The following TUSC3 variants were observed in gnomAD, a reference collection of about 807,000 sequenced individuals.
TUSC3 encodes the protein dolichyl-diphosphooligosaccharide--protein glycosyltransferase subunit TUSC3.
TUSC3 carries 45 observed loss-of-function variants against 44.8 expected under a neutral mutation model. The ratio of observed to expected loss-of-function variants is 1.00; its 90% confidence interval spans 0.79 to 1.29. The LOEUF (loss-of-function observed/expected upper bound fraction) is 1.29. TUSC3 is among the 50% of genes most tolerant of loss of function. The pLI is 0.00. For missense variants in TUSC3, 519 were observed against 437.9 expected, an observed-to-expected ratio of 1.19 and a Z score of -1.65; for synonymous variants, 212 against 152.9, an observed-to-expected ratio of 1.39 and a Z score of -2.85.
intron 4 of TUSC3, among the ~76,000 whole-genome samples, chr8:15,660,557 C>A (rs1372713557): frequency 6.6e-6 from 1 of 151,766 alleles, no homozygotes; most frequent in East Asian, 1.9e-4. Flanking sequence ...TTTAAAAGTA[C>A]GTTCGTGCAG....
intron 6 of TUSC3, among the ~76,000 whole-genome samples, chr8:15,725,951 T>C (rs1266013427): frequency 1.3e-5 from 2 of 152,194 alleles, no homozygotes; most frequent in African/African-American, 4.8e-5. Context: ...ATGGCTATTA[T>C]TAACACTGGA....
the TUSC3 span, among the ~76,000 whole-genome samples, chr8:15,776,053 C>T: frequency 6.6e-6 from 1 of 152,096 alleles, no homozygotes; most frequent in Admixed American, 6.6e-5. Context: ...ATTCACTATT[C>T]TCCAAATACA....
At chr8:15,616,544 T>A (rs1804994503) in intron 1 of TUSC3, among the ~76,000 whole-genome samples, 1 of 152,234 alleles carries the variant, frequency 6.6e-6, no homozygotes, top group African/African-American at 2.4e-5. Context: ...ACCACTGCCC[T>A]CCAGCCTGTG....
intron 1 of TUSC3, among the ~76,000 whole-genome samples, chr8:15,543,486 C>T (rs973091612): frequency 6.6e-6 from 1 of 152,074 alleles, no homozygotes; most frequent in Non-Finnish European, 1.5e-5. Flanking sequence ...AGGCAAACGA[C>T]AAACTCTCTG....
chr8:15,775,905 A>G, the TUSC3 span, among the ~76,000 whole-genome samples: 1 of 151,800 alleles, frequency 6.6e-6, no homozygotes, highest in Non-Finnish European at 1.5e-5. Context: ...GCAAGAGAAA[A>G]TGGACAGAGA....
At chr8:15,776,471 G>C in the TUSC3 span, among the ~76,000 whole-genome samples, 3 of 151,994 alleles carry the variant, frequency 2.0e-5, no homozygotes, top group Non-Finnish European at 4.4e-5. Context: ...TGTTTTCAAT[G>C]TTCAGCCCTA....
chr8:15,572,295 C>A (rs564127456), intron 1 of TUSC3, among the ~76,000 whole-genome samples: 1 of 152,248 alleles, frequency 6.6e-6, no homozygotes, highest in Admixed American at 6.5e-5. Flanking sequence ...ATGGAAATGG[C>A]TTCTTTCTTT....
At chr8:15,656,855 AC>A (rs771105260) in intron 3 of TUSC3, among the ~76,000 whole-genome samples, 53 of 152,322 alleles carry the variant, frequency 3.5e-4, no homozygotes, top group Non-Finnish European at 1.9e-4. Context: ...CTCAGCTCTT[AC>A]ATTCTGGGCA....
At chr8:15,723,074 G>T (rs1810363592) in intron 6 of TUSC3, among the ~76,000 whole-genome samples, 1 of 151,998 alleles carries the variant, frequency 6.6e-6, no homozygotes, top group Admixed American at 6.6e-5. Context: ...AATATCTCTG[G>T]TCAGTTTCAT....
chr8:15,434,531 T>G (rs1585787307), intron 1 of TUSC3, among the ~76,000 whole-genome samples: 1 of 904 alleles, frequency 1.1e-3, no homozygotes, highest in Non-Finnish European at 0.019. Context: ...AAGCCATTCC[T>G]TTTTTTTTTT....
chr8:15,664,892 A>T (rs897084592), intron 5 of TUSC3, among the ~76,000 whole-genome samples: 5 of 151,022 alleles, frequency 3.3e-5, no homozygotes. Flanking sequence ...CTTCTTTATC[A>T]TTTCTGCCTG....
chr8:15,537,293 C>T (rs1237320886), upstream of TUSC3, among the ~76,000 whole-genome samples: 1 of 152,128 alleles, frequency 6.6e-6, no homozygotes, highest in Non-Finnish European at 1.5e-5. Context: ...TAATTTTATC[C>T]ATAGCCTGGA....
At chr8:15,453,644 C>G (rs1800220872) in intron 1 of TUSC3, among the ~76,000 whole-genome samples, 1 of 152,120 alleles carries the variant, frequency 6.6e-6, no homozygotes, top group African/African-American at 2.4e-5. Context: ...CAGACAAACA[C>G]AACTTAAATA....
rs902678511 is a variant in TUSC3, at chr8:15,629,145, T to C, written c.308+5896T>C. On this transcript the variant is annotated intron_variant, in intron 2 of 10. Coordinates refer to ENST00000503731, the MANE Select transcript of TUSC3 (RefSeq NM_006765.4). ...TAAAGAAGCTTGAACTGTGAGACTG[T>C]GGTAATATCTAGATTATAAAATTAG... Among the ~76,000 whole-genome samples the C allele has an allele frequency of 9.2e-5, 14 of 152,316 alleles. No homozygotes were observed. The East Asian group carries it at 2.3e-3, about 25-fold the overall frequency.
At chr8:15,727,165 A>T (rs1472790279) in intron 6 of TUSC3, among the ~76,000 whole-genome samples, 1 of 152,162 alleles carries the variant, frequency 6.6e-6, no homozygotes, top group Non-Finnish European at 1.5e-5. Context: ...GTTAGATACA[A>T]ATTTTTAAGA....
chr8:15,617,989 C>T (rs562326195), intron 1 of TUSC3, among the ~76,000 whole-genome samples: 1 of 152,284 alleles, frequency 6.6e-6, no homozygotes, highest in Non-Finnish European at 1.5e-5. Flanking sequence ...ATATTGTAGG[C>T]AGTCGTAACA....
intron 1 of TUSC3, among the ~76,000 whole-genome samples, chr8:15,558,023 C>G (rs922612132): frequency 1.7e-5 from 1 of 60,122 alleles, no homozygotes; most frequent in Non-Finnish European, 3.5e-5. Flanking sequence ...TTGCCCTGGC[C>G]AGCACTTCCA....
intron 5 of TUSC3, among the ~76,000 whole-genome samples, chr8:15,671,560 G>C (rs1349820243): frequency 2.0e-5 from 3 of 152,026 alleles, no homozygotes; most frequent in Admixed American, 6.6e-5. Context: ...CACTACTTCA[G>C]ATGATTCTGT....
chr8:15,603,754 A>G (rs571802256), intron 1 of TUSC3, among the ~76,000 whole-genome samples: 7 of 150,720 alleles, frequency 4.6e-5, no homozygotes, highest in Admixed American at 6.7e-5. Context: ...TGCGATTCCT[A>G]TGGTTTACCA....
Sources: allele counts gnomAD v4.1 joint callset (sites outside exome capture counted in the v4.1 genomes callset), GRCh38; gene constraint gnomAD v4.1.1; transcripts MANE v1.5; gene names NCBI Gene and HGNC (gene_info 2026-07-23, HGNC 2026-07-21).